The following EDA2R variants were observed in gnomAD, a reference collection of about 807,000 sequenced individuals.
EDA2R encodes the protein ectodysplasin A2 receptor.
EDA2R carries 26 observed loss-of-function variants against 20.1 expected under a neutral mutation model. The ratio of observed to expected loss-of-function variants is 1.30; its 90% CI spans 0.95 to 1.80. EDA2R has a LOEUF of 1.80. Ranked by LOEUF, EDA2R falls within the 40% of genes most tolerant of loss-of-function variation. The pLI, the probability that EDA2R is intolerant of heterozygous loss-of-function variation, is 0.00. For missense variants in EDA2R, 277 were observed against 228.7 expected (o/e 1.21, Z -1.36); for synonymous variants, 114 against 88.7 (o/e 1.29, Z -1.60).
intron 1 of EDA2R, among the ~76,000 whole-genome samples, chrX:66,625,607 T>C (rs1008618969): frequency 1.8e-5 from 2 of 111,452 alleles, no homozygotes; most frequent in Non-Finnish European, 3.8e-5. Flanking sequence ...AAAGGGCATA[T>C]ACTCTTGGGA....
intron 1 of EDA2R, among the ~76,000 whole-genome samples, chrX:66,623,666 C>T (rs1195227707): frequency 9.0e-6 from 1 of 111,686 alleles, no homozygotes; most frequent in African/African-American, 3.3e-5. Context: ...TCACTCCACC[C>T]ATGCTGGCCT....
rs973442323 is a variant in EDA2R at position 66,615,819 on chromosome X, C to T, written c.87+115G>A. ...TACTCTGTGGATCCCAGGTTTTACC[C>T]GCTGAACTGGATCAGTCATAAGTAG... On this transcript the variant is annotated intron_variant, in intron 2 of 6. Coordinates refer to ENST00000374719, the MANE Select transcript of EDA2R (RefSeq NM_021783.5). 30 of 524,845 alleles carry T rather than the reference C, an allele frequency of 5.7e-5. 1 individual carries two copies. The highest frequency in any genetic ancestry group is 4.2e-4 in the African/African-American group (18 of 43,121). The allele number at this position is 524,845 out of a possible 1,213,427, so 43.3% of individuals were successfully genotyped here.
At chrX:66,634,872 AC>A (rs2148066767) in intron 1 of EDA2R, among the ~76,000 whole-genome samples, 1 of 111,751 alleles carries the variant, frequency 8.9e-6, no homozygotes, top group East Asian at 2.8e-4. Context: ...CTCAACAGAA[AC>A]AATTCCAAAG....
At chrX:66,619,536 AT>A (rs771049450) in intron 1 of EDA2R, among the ~76,000 whole-genome samples, 2 of 111,548 alleles carry the variant, frequency 1.8e-5, no homozygotes, top group African/African-American at 6.5e-5. Context: ...GCTCAAGAAC[AT>A]TTTTTTCACC....
Position 66,597,927 on chromosome X carries a change from C to T in EDA2R, c.*177G>A. 1 of 642,242 alleles carries T rather than the reference C, an allele frequency of 1.6e-6. No individual in the cohort carries two copies. The highest frequency in any genetic ancestry group is 2.1e-6 in the Non-Finnish European group (1 of 485,475). The allele number at this position is 642,242 out of a possible 1,213,427, so 52.9% of individuals were successfully genotyped here. A position where few individuals can be genotyped will look rare whatever the true frequency, so the allele number is the denominator to read the frequency against. On this transcript the variant is annotated 3_prime_UTR_variant, in exon 7 of 7. Coordinates refer to ENST00000374719, the MANE Select transcript of EDA2R (RefSeq NM_021783.5). ...GAAGCAAGAAATGCTCCAGATCAGT[C>T]CTTGTGAAATGGAGAATCAATCCTC...
intron 6 of EDA2R, among the ~76,000 whole-genome samples, chrX:66,599,272 T>G (rs1442788425): frequency 9.0e-6 from 1 of 111,246 alleles, no homozygotes; most frequent in Non-Finnish European, 1.9e-5. Flanking sequence ...TCCCTGACAA[T>G]TGTAGACCCA....
At chrX:66,598,953 A>G (rs1159595686) in intron 6 of EDA2R, among the ~76,000 whole-genome samples, 3 of 111,757 alleles carry the variant, frequency 2.7e-5, no homozygotes, top group Non-Finnish European at 3.8e-5. Context: ...GTTCTTGCAC[A>G]GTTCTAGCCC....
intron 2 of EDA2R, among the ~76,000 whole-genome samples, chrX:66,608,244 G>C (rs1416884306): frequency 9.0e-6 from 1 of 110,835 alleles, no homozygotes; most frequent in Non-Finnish European, 1.9e-5. Context: ...GGGATTCACA[G>C]AAAAAACAGG....
intron 1 of EDA2R, among the ~76,000 whole-genome samples, chrX:66,622,277 T>G (rs1417137620): frequency 1.8e-5 from 2 of 111,494 alleles, no homozygotes; most frequent in East Asian, 5.7e-4. Context: ...CTGACATCAA[T>G]AGTAATCCCC....
intron 1 of EDA2R, among the ~76,000 whole-genome samples, chrX:66,622,318 T>A (rs929497908): frequency 9.0e-6 from 1 of 111,488 alleles, no homozygotes; most frequent in African/African-American, 3.3e-5. Context: ...GAATAATTGA[T>A]GTTGGCCAAG....
chrX:66,600,124 C>T, intron 5 of EDA2R: 1 of 1,095,685 alleles, frequency 9.1e-7, no homozygotes. Flanking sequence ...TTGTGGGAAA[C>T]AGGATTTTGA....
chrX:66,616,779 A>G (rs898692790), intron 1 of EDA2R, among the ~76,000 whole-genome samples: 3 of 112,324 alleles, frequency 2.7e-5, no homozygotes, highest in African/African-American at 9.7e-5. Context: ...GCTGTTCACC[A>G]AGCCTGGCTC....
In EDA2R at chrX:66,597,983, G is replaced by A; in HGVS notation, c.*121C>T. ...GGATGGGATAGGATATGCCCCATCTGTAGGGTATTAGCTCTTGTGGACATC... is the reference window on the plus strand; with the variant it reads ...GGATGGGATAGGATATGCCCCATCTATAGGGTATTAGCTCTTGTGGACATC... On this transcript the variant is annotated 3_prime_UTR_variant, in exon 7 of 7. Transcript: ENST00000374719. 8.6e-6 allele frequency: 8 copies of A among 927,445 alleles called. No homozygotes were observed. The highest frequency in any genetic ancestry group is 9.7e-6 in the Non-Finnish European group (7 of 721,625). 76.4% of individuals were successfully genotyped at this position (927,445 alleles called of 1,213,427 possible).
rs899987467 is a variant in EDA2R, at chrX:66,596,832, G to T, written c.*1272C>A. On this transcript the variant is annotated 3_prime_UTR_variant, in exon 7 of 7. Transcript: ENST00000374719. ...TTACCACATATTTGCTAATACCTGT[G>T]TGGGGCCAGGCTGCTTGCTTGGTAC... The T allele has an allele frequency of 2.7e-5, 3 of 112,395 alleles. No individual in the cohort carries two copies. The highest frequency in any genetic ancestry group is 6.5e-5 in the African/African-American group (2 of 30,966). The allele number at this position is 112,395 out of a possible 1,213,427, so 9.3% of individuals were successfully genotyped here.
upstream of EDA2R, chrX:66,639,126 C>A (rs1279100887): frequency 1.1e-5 from 1 of 93,362 alleles, no homozygotes; most frequent in African/African-American, 3.9e-5. Context: ...CCCTCAGCCC[C>A]CGCCCCTCAG....
intron 2 of EDA2R, among the ~76,000 whole-genome samples, chrX:66,609,734 T>C (rs1413599672): frequency 8.9e-6 from 1 of 112,051 alleles, no homozygotes; most frequent in Non-Finnish European, 1.9e-5. Context: ...ATCCAACTTA[T>C]AGATTTGTTA....
rs775022645 is a variant in EDA2R at position 66,622,098 on chromosome X, G to A, written c.-10-6068C>T. Among the ~76,000 whole-genome samples the A allele has an allele frequency of 3.6e-5, 4 of 111,634 alleles. No individual in the cohort carries two copies. In the South Asian group the frequency reaches 1.5e-3, roughly 42 times the overall value. ...TCCAAGTATGTGTTGTATATACCTT[G>A]ATTGTGTTTACAAGGGCCAACAAGT... On this transcript the variant is annotated intron_variant, in intron 1 of 6. Transcript: ENST00000374719.
intron 1 of EDA2R, among the ~76,000 whole-genome samples, chrX:66,618,122 G>A (rs1391916879): frequency 8.9e-6 from 1 of 111,847 alleles, no homozygotes; most frequent in African/African-American, 3.3e-5. Flanking sequence ...CCTGACCTCA[G>A]GTGATCCACC....
Position 66,604,489 on chromosome X carries a change from C to G in EDA2R, c.284G>C (p.Arg95Pro). 2 of 1,208,080 alleles carry G rather than the reference C, an allele frequency of 1.7e-6. No homozygotes were observed. Among genetic ancestry groups the G allele is most frequent in the Non-Finnish European group, 1.1e-6 (1 of 893,434 alleles). Residue 95 changes from arginine (R) to proline (P), a missense_variant, in exon 4 of 7, where the codon CGC (arginine) becomes CCC (proline). By Grantham distance (103) the Arg-to-Pro change is moderately radical. Transcript: ENST00000374719. Reference protein sequence around the residue: ...DCLPRFYRKTRIGGLQDQECI... With the variant: ...DCLPRFYRKTPIGGLQDQECI... ...CTCTTGGTCCTGCAGGCCTCCAATG[C>G]GTGTCTTTCGGTAGAACCTGTGTTC...
Sources: allele counts gnomAD v4.1 joint callset (sites outside exome capture counted in the v4.1 genomes callset), GRCh38; gene constraint gnomAD v4.1.1; transcripts MANE v1.5; gene names NCBI Gene and HGNC (gene_info 2026-07-23, HGNC 2026-07-21).